Variants in TSHZ2 observed in about 807,000 individuals in gnomAD.
TSHZ2 encodes teashirt homolog 2.
In TSHZ2, 21 loss-of-function variants were observed where a neutral mutation model predicts 74.4. That is an observed-to-expected ratio of 0.28 (90% CI 0.20 to 0.41). The LOEUF (loss-of-function observed/expected upper bound fraction) is 0.41. TSHZ2 is among the 10% of genes least tolerant of loss of function. The probability of loss-of-function intolerance (pLI) is 1.00; values close to 1 mark genes in which losing one functional copy is unlikely to be tolerated. For synonymous variants in TSHZ2, 540 were observed against 515.3 expected, an observed-to-expected ratio of 1.05 and a Z score of -0.65; for missense variants, 1,244 against 1,293.5, an observed-to-expected ratio of 0.96 and a Z score of 0.59.
intron 2 of TSHZ2, among the ~76,000 whole-genome samples, chr20:53,332,895 G>T (rs1324662963): frequency 6.6e-6 from 1 of 152,264 alleles, no homozygotes; most frequent in Non-Finnish European, 1.5e-5. Flanking sequence ...TACTGCATCT[G>T]GTGCCAGCCC....
intron 2 of TSHZ2, among the ~76,000 whole-genome samples, chr20:53,464,536 C>A (rs927017803): frequency 6.6e-6 from 1 of 152,058 alleles, no homozygotes; most frequent in Admixed American, 6.5e-5. Flanking sequence ...AACCATGGCT[C>A]CCTGCAGCCT....
At chr20:53,006,812 T>C (rs548747842) in intron 1 of TSHZ2, among the ~76,000 whole-genome samples, 27 of 152,288 alleles carry the variant, frequency 1.8e-4, no homozygotes, top group Non-Finnish European at 1.0e-4. Flanking sequence ...TAATCTGTCA[T>C]GTTGGGTGGT....
intron 2 of TSHZ2, among the ~76,000 whole-genome samples, chr20:53,434,872 A>G (rs1434897062): frequency 1.3e-5 from 2 of 152,344 alleles, no homozygotes; most frequent in Non-Finnish European, 2.9e-5. Flanking sequence ...ACAGCTGCTG[A>G]GCGTGTGCTG....
intron 1 of TSHZ2, among the ~76,000 whole-genome samples, chr20:53,246,391 G>A (rs576365105): frequency 3.3e-5 from 5 of 152,012 alleles, no homozygotes; most frequent in African/African-American, 4.8e-5. Context: ...CACAGCCCTC[G>A]GTGTCCTCCA....
intron 2 of TSHZ2, among the ~76,000 whole-genome samples, chr20:53,292,685 A>G (rs1991302667): frequency 6.6e-6 from 1 of 151,996 alleles, no homozygotes; most frequent in African/African-American, 2.4e-5. Context: ...TCTGGCTACA[A>G]TTTCCTTTTC....
At chr20:53,485,814 T>C (rs917740422) in intron 2 of TSHZ2, among the ~76,000 whole-genome samples, 4 of 152,226 alleles carry the variant, frequency 2.6e-5, no homozygotes, top group Admixed American at 2.0e-4. Context: ...TGTTTTGTTT[T>C]TGTTTTTCCA....
intron 2 of TSHZ2, among the ~76,000 whole-genome samples, chr20:53,368,160 T>C (rs1248714326): frequency 6.6e-6 from 1 of 151,754 alleles, no homozygotes; most frequent in African/African-American, 2.4e-5. Flanking sequence ...TTCGGGGGCT[T>C]GTGTTTTTTT....
chr20:53,403,809 C>T (rs1262947087), intron 2 of TSHZ2, among the ~76,000 whole-genome samples: 1 of 152,192 alleles, frequency 6.6e-6, no homozygotes, highest in Non-Finnish European at 1.5e-5. Context: ...GTCTGCGGCT[C>T]GTAGGCTCTG....
Position 53,256,440 on chromosome 20 carries a change from C to A in TSHZ2, c.2982C>A (p.Phe994Leu). 1 of 1,614,144 alleles carries A rather than the reference C, an allele frequency of 6.2e-7. No homozygotes were observed. ...CCGAAGAGGACACAGACTCTAAATT[C>A]AAGTGTAAGTTGTGCTGTCGGACAT... ...IAAEEDTDSKFKCKLCCRTFV... is the reference protein window; with the variant it reads ...IAAEEDTDSKLKCKLCCRTFV... Residue 994 changes from phenylalanine to leucine, a missense_variant, in exon 2 of 3, where the codon TTC becomes TTA. Transcript: ENST00000371497. This position sits in a 1 kb window ranked among gnomAD's most constrained non-coding sequence, Gnocchi z 4.3.
chr20:53,089,953 T>C (rs1296404218), intron 1 of TSHZ2, among the ~76,000 whole-genome samples: 1 of 152,182 alleles, frequency 6.6e-6, no homozygotes, highest in Non-Finnish European at 1.5e-5. Flanking sequence ...AGTCCCACAA[T>C]AGGCCATCTG....
rs770974797 is a variant in TSHZ2 at position 53,256,186 on chromosome 20, A to G, written c.2728A>G (p.Thr910Ala). The change falls in exon 2 of 3, where the codon ACG becomes GCG. Residue 910 changes from threonine (T) to alanine (A), a missense_variant. This residue lies in a region of TSHZ2 where 185 missense variants were observed against 213.3 expected (regional missense o/e 0.87). Coordinates refer to ENST00000371497, the MANE Select transcript of TSHZ2 (RefSeq NM_173485.6). This position sits in a 1 kb window ranked among gnomAD's most constrained non-coding sequence, Gnocchi z 4.3. ...LANVKYQLRKTGGTKFLKNMD... is the reference protein window; with the variant it reads ...LANVKYQLRKAGGTKFLKNMD... ...CAACGTCAAGTACCAGCTTAGGAAA[A>G]CGGGCGGGACAAAATTTCTGAAAAA... 3 of 1,612,676 alleles carry G rather than the reference A, an allele frequency of 1.9e-6. No individual in the cohort carries two copies. Among genetic ancestry groups the G allele is most frequent in the Non-Finnish European group, 2.5e-6 (3 of 1,179,008 alleles).
intron 2 of TSHZ2, among the ~76,000 whole-genome samples, chr20:53,416,124 G>A (rs970936627): frequency 6.6e-6 from 1 of 152,188 alleles, no homozygotes; most frequent in Non-Finnish European, 1.5e-5. Flanking sequence ...AGTGGAGGCA[G>A]AGAGGCCATG....
intron 1 of TSHZ2, among the ~76,000 whole-genome samples, chr20:53,228,448 T>C (rs759826488): frequency 1.6e-4 from 25 of 152,218 alleles, no homozygotes; most frequent in Admixed American, 1.2e-3. Flanking sequence ...TTTTAGGAGC[T>C]TATAAGCAGT....
At chr20:53,096,944 A>G (rs1986071603) in intron 1 of TSHZ2, among the ~76,000 whole-genome samples, 1 of 152,044 alleles carries the variant, frequency 6.6e-6, no homozygotes, top group African/African-American at 2.4e-5. Flanking sequence ...AAAAAACAAA[A>G]AACAAAAAAA....
intron 1 of TSHZ2, among the ~76,000 whole-genome samples, chr20:53,160,870 A>G (rs1239319878): frequency 7.2e-5 from 11 of 151,752 alleles, no homozygotes; most frequent in Non-Finnish European, 1.0e-4. Flanking sequence ...GTACATCTTC[A>G]TCTATATATT....
At chr20:53,374,042 A>G (rs1485638400) in intron 2 of TSHZ2, among the ~76,000 whole-genome samples, 2 of 152,194 alleles carry the variant, frequency 1.3e-5, no homozygotes, top group Admixed American at 6.5e-5. Flanking sequence ...GGTTTGTTAT[A>G]TAGGTAAATT....
rs535714882 is a variant in TSHZ2, at chr20:53,417,360, A to G, written c.*9-69784A>G. Among the ~76,000 whole-genome samples the G allele has an allele frequency of 2.2e-4, 33 of 151,924 alleles. 1 individual carries two copies. The highest frequency in any genetic ancestry group is 1.8e-3 in the Admixed American group (28 of 15,234). ...CACCCAGGCTGGAGTGCAGTGGCAC[A>G]ATCTTGGCTTACTGCAACCTCTGCC... On this transcript the variant is annotated intron_variant, in intron 2 of 2. Transcript: ENST00000371497.
chr20:53,066,431 G>C (rs1264501971), intron 1 of TSHZ2, among the ~76,000 whole-genome samples: 1 of 152,066 alleles, frequency 6.6e-6, no homozygotes, highest in Non-Finnish European at 1.5e-5. Context: ...CTACGTAAAG[G>C]GAGGTGAGAA....
At chr20:52,974,338 A>T (rs1194718342) in intron 1 of TSHZ2, among the ~76,000 whole-genome samples, 2 of 152,178 alleles carry the variant, frequency 1.3e-5, no homozygotes, top group Non-Finnish European at 2.9e-5. Context: ...ATATATATCA[A>T]TAAATCACTC....
Sources: gnomAD v4.1 joint callset for allele counts (sites outside exome capture counted in the v4.1 genomes callset) on GRCh38, gnomAD v4.1.1 for gene constraint, gnomAD v4.1.1 regional missense constraint, Gnocchi (gnomAD v3.1) non-coding constraint, MANE v1.5 for transcripts, NCBI Gene and HGNC (gene_info 2026-07-23, HGNC 2026-07-21) for gene names.